The following GSE1 variants were observed in gnomAD, a reference collection of about 807,000 sequenced individuals.
GSE1 encodes the protein genetic suppressor element 1.
GSE1 carries 32 observed loss-of-function variants against 112.6 expected under a neutral mutation model. That is an observed-to-expected ratio of 0.28 (90% CI 0.21 to 0.38). The LOEUF is 0.38. Among genes scored for constraint, GSE1 ranks in the 10% least tolerant of loss-of-function variants. The probability of loss-of-function intolerance (pLI) is 1.00; values close to 1 mark genes in which losing one functional copy is unlikely to be tolerated. For synonymous variants in GSE1, 1,115 were observed against 735.6 expected (o/e 1.52, Z -8.35); for missense variants, 2,348 against 1,699.2 (o/e 1.38, Z -6.71).
At position 85,331,149 on chromosome 16, in the gene GSE1, A is replaced by ATTAT. The variant is rs199998231; in HGVS notation, c.2284-26299_2284-26296dup. Among the ~76,000 whole-genome samples, 98 of 150,122 alleles carry ATTAT rather than the reference A, an allele frequency of 6.5e-4. No homozygotes were observed. The Middle Eastern group carries it at 0.01, about 16-fold the overall frequency. Reference sequence around the variant, plus strand: ...GTTATTATTTATTTTTTAAATTTTTATTATTTATTTATTTATTTTTTGAGA... The same window carrying ATTAT: ...GTTATTATTTATTTTTTAAATTTTTATTATTTATTTATTTATTTATTTTTTGAGA... On this transcript the variant is annotated intron_variant, in intron 1 of 2. Coordinates refer to the GSE1 transcript ENST00000637419.
intron 2 of GSE1, among the ~76,000 whole-genome samples, chr16:85,471,716 T>C (rs2050301469): frequency 1.6e-5 from 1 of 64,444 alleles, no homozygotes; most frequent in Admixed American, 1.8e-4. Flanking sequence ...ATTTATTTCT[T>C]AATTTACTTT....
At chr16:85,452,235 C>A (rs965873579) in intron 2 of GSE1, among the ~76,000 whole-genome samples, 2 of 152,328 alleles carry the variant, frequency 1.3e-5, no homozygotes, top group African/African-American at 2.4e-5. Flanking sequence ...TGACTCCTCG[C>A]GTCCCTAATG....
intron 1 of GSE1, among the ~76,000 whole-genome samples, chr16:85,228,134 G>A (rs2075520567): frequency 1.3e-5 from 2 of 152,234 alleles, no homozygotes; most frequent in African/African-American, 4.8e-5. Context: ...CGAGGCAGGA[G>A]TGAGCCTGGC....
At chr16:85,218,590 C>G (rs370375548) in intron 1 of GSE1, among the ~76,000 whole-genome samples, 1 of 152,222 alleles carries the variant, frequency 6.6e-6, no homozygotes, top group African/African-American at 2.4e-5. Context: ...TGTGACCTCC[C>G]AAACTGCTTT....
intron 2 of GSE1, among the ~76,000 whole-genome samples, chr16:85,380,860 T>G (rs1381912914): frequency 6.6e-6 from 1 of 152,186 alleles, no homozygotes; most frequent in Non-Finnish European, 1.5e-5. Flanking sequence ...GCATTTTCTT[T>G]GGGGAGCTGT....
At chr16:85,523,848 T>G (rs966699977) in intron 2 of GSE1, among the ~76,000 whole-genome samples, 10 of 152,228 alleles carry the variant, frequency 6.6e-5, no homozygotes, top group African/African-American at 2.4e-4. Flanking sequence ...ACCACGGGGC[T>G]CTTGCCTGGA....
intron 1 of GSE1, among the ~76,000 whole-genome samples, chr16:85,320,799 C>A (rs1002300349): frequency 2.6e-5 from 4 of 152,200 alleles, no homozygotes; most frequent in Non-Finnish European, 5.9e-5. Context: ...CCTTTCTCCC[C>A]ACTCTGCGTG....
intron 2 of GSE1, among the ~76,000 whole-genome samples, chr16:85,375,691 G>A (rs968592972): frequency 2.0e-5 from 3 of 151,790 alleles, no homozygotes; most frequent in Non-Finnish European, 4.4e-5. Flanking sequence ...CACCCAGAGC[G>A]CCATGAGCCC....
intron 2 of GSE1, among the ~76,000 whole-genome samples, chr16:85,469,899 G>T (rs2050233562): frequency 6.6e-6 from 1 of 152,250 alleles, no homozygotes; most frequent in Non-Finnish European, 1.5e-5. Flanking sequence ...CAGGGCCCTT[G>T]GCCCGTCAGA....
chr16:85,184,291 C>G (rs2074655454), intron 1 of GSE1, among the ~76,000 whole-genome samples: 1 of 152,222 alleles, frequency 6.6e-6, no homozygotes, highest in South Asian at 2.1e-4. Context: ...CCCAGTGACT[C>G]TGCTGGTGGC....
At chr16:85,232,337 C>G (rs1466859366) in intron 1 of GSE1, among the ~76,000 whole-genome samples, 1 of 152,170 alleles carries the variant, frequency 6.6e-6, no homozygotes, top group African/African-American at 2.4e-5. Context: ...CACTTGACAT[C>G]TACTCCCCTC....
At position 85,395,429 on chromosome 16, in the gene GSE1, C is replaced by T. The variant is rs569619427; in HGVS notation, c.2464+37786C>T. On this transcript the variant is annotated intron_variant, in intron 2 of 2. Transcript: ENST00000637419. ...TTTCACAGGTGGGCACACCAAGGCC[C>T]GACAATGGGTCCAGGCTGCCAAGGG... Among the ~76,000 whole-genome samples, 38 of 152,226 alleles carry T rather than the reference C, an allele frequency of 2.5e-4. 1 individual carries two copies. In the South Asian group the frequency reaches 5.4e-3, roughly 22 times the overall value.
intron 2 of GSE1, among the ~76,000 whole-genome samples, chr16:85,363,902 C>T (rs149690325): frequency 6.6e-6 from 1 of 152,206 alleles, no homozygotes; most frequent in Non-Finnish European, 1.5e-5. Context: ...TCTGCCTGCT[C>T]TTGTGACTTC....
chr16:85,557,938 C>G (rs1321936755), intron 1 of GSE1, among the ~76,000 whole-genome samples: 1 of 151,998 alleles, frequency 6.6e-6, no homozygotes, highest in African/African-American at 2.4e-5. Flanking sequence ...TGAATATTTT[C>G]CAGCGTTTCC....
chr16:85,478,855 CTT>C (rs1350906487), intron 2 of GSE1, among the ~76,000 whole-genome samples: 4 of 14,980 alleles, frequency 2.7e-4, no homozygotes, highest in South Asian at 2.4e-3. Context: ...TTCTTTCTTT[CTT>C]TCTTTCTTTC....
chr16:85,248,337 A>G (rs914868789), intron 1 of GSE1, among the ~76,000 whole-genome samples: 3 of 151,712 alleles, frequency 2.0e-5, no homozygotes, highest in African/African-American at 4.8e-5. Flanking sequence ...CTGTGCTGCC[A>G]TCCTCAGTAG....
chr16:85,611,956 G>T (rs532079620), upstream of GSE1, among the ~76,000 whole-genome samples: 4 of 152,198 alleles, frequency 2.6e-5, no homozygotes, highest in South Asian at 8.3e-4. Context: ...GGCAGGTTTG[G>T]GGCTGGCACG....
chr16:85,399,794 C>T (rs757834755), intron 2 of GSE1, among the ~76,000 whole-genome samples: 5 of 152,224 alleles, frequency 3.3e-5, no homozygotes, highest in Non-Finnish European at 4.4e-5. Context: ...ATCTGTGCTT[C>T]GCTCCTAGAA....
intron 1 of GSE1, among the ~76,000 whole-genome samples, chr16:85,246,370 A>C (rs1243555146): frequency 4.1e-5 from 3 of 73,832 alleles, no homozygotes; most frequent in African/African-American, 6.0e-5. Context: ...CACACACACC[A>C]CACGCTGTCT....
Sources: allele counts gnomAD v4.1 joint callset (sites outside exome capture counted in the v4.1 genomes callset), GRCh38; gene constraint gnomAD v4.1.1; transcripts MANE v1.5; gene names NCBI Gene and HGNC (gene_info 2026-07-23, HGNC 2026-07-21).